The following CAMK1G variants were observed in gnomAD, a reference collection of about 807,000 sequenced individuals.
CAMK1G encodes calcium/calmodulin-dependent protein kinase type 1G.
A neutral mutation model predicts 54.8 loss-of-function variants in CAMK1G; 27 were observed. The observed-to-expected ratio is 0.49, with a 90% CI of 0.36 to 0.68. CAMK1G has a LOEUF of 0.68. CAMK1G is among the 30% of genes least tolerant of loss of function. The probability of loss-of-function intolerance (pLI) is 0.00; values close to 1 mark genes in which losing one functional copy is unlikely to be tolerated. For missense variants in CAMK1G, 512 were observed against 591.0 expected (o/e 0.87, Z 1.39); for synonymous variants, 238 against 224.9 (o/e 1.06, Z -0.52).
chr1:209,586,909 A>C (rs1051602189), intron 1 of CAMK1G, among the ~76,000 whole-genome samples: 1 of 152,178 alleles, frequency 6.6e-6, no homozygotes, highest in East Asian at 1.9e-4. Context: ...TAAGCAACAC[A>C]TAAATTATGG....
intron 1 of CAMK1G, among the ~76,000 whole-genome samples, chr1:209,588,142 C>T (rs1665148728): frequency 6.6e-6 from 1 of 152,194 alleles, no homozygotes; most frequent in South Asian, 2.1e-4. Flanking sequence ...CTAGTGACAG[C>T]ACCAGCAAAA....
At chr1:209,595,220 T>A (rs1665350054) in intron 2 of CAMK1G, 145 bp downstream of exon 2, 1 of 614,308 alleles carries the variant, frequency 1.6e-6, no homozygotes, top group African/African-American at 1.9e-5. Flanking sequence ...TTAGGGAGAG[T>A]TTTGTGGCCT....
In CAMK1G at chr1:209,603,303, A is replaced by G; in HGVS notation, c.296+15A>G. The G allele has an allele frequency of 1.2e-6, 2 of 1,609,904 alleles. No homozygotes were observed. Among genetic ancestry groups the G allele is most frequent in the South Asian group, 1.1e-5 (1 of 90,974 alleles). ...GTCATGCAGCTGTAAGTAAAAGGTG[A>G]CTTGCTTCCTTCACAGAGGCCTGGT... is the stretch of plus-strand genomic sequence containing the variant. On this transcript the variant is annotated intron_variant, in intron 4 of 12. Coordinates refer to ENST00000361322, the MANE Select transcript of CAMK1G (RefSeq NM_020439.3).
At position 209,611,783 on chromosome 1, in the gene CAMK1G, T is replaced by C. The variant is rs770702866; in HGVS notation, c.916-9T>C. On this transcript the variant is annotated splice_polypyrimidine_tract_variant and intron_variant, in intron 10 of 12. Transcript: ENST00000361322. ...CAGAAGGCCAGAGGCTGCTCTTGTG[T>C]CTCCTTAGCAAGCCTTCAACGCAGC... 5 of 1,611,772 alleles carry C rather than the reference T, an allele frequency of 3.1e-6. No homozygotes were observed. The highest frequency in any genetic ancestry group is 3.4e-6 in the Non-Finnish European group (4 of 1,178,786).
intron 4 of CAMK1G, among the ~76,000 whole-genome samples, chr1:209,603,858 G>C (rs1018513844): frequency 3.3e-5 from 5 of 152,208 alleles, no homozygotes; most frequent in Non-Finnish European, 7.3e-5. Context: ...AAGACAGGCT[G>C]TGATTGTATG....
In CAMK1G at chr1:209,611,860, C is replaced by T. The variant is rs761225607; in HGVS notation, c.984C>T (p.Gly328=). Residue 328 remains glycine (G), a synonymous_variant, in exon 11 of 13, where the codon GGC becomes GGT. Transcript: ENST00000361322. ...TACACATGAACCTGCACAGCCCGGG[C>T]GTCCGCCCAGAGGTGGAGAACAGGC... The part of the protein sequence containing the change: ...RKLHMNLHSP[G]VRPEVENRPP... 9.0e-5 allele frequency: 146 copies of T among 1,614,114 alleles called. No individual in the cohort carries two copies. The highest frequency in any genetic ancestry group is 1.2e-4 in the Non-Finnish European group (140 of 1,180,064).
chr1:209,611,440 C>A, intron 9 of CAMK1G, 25 bp from the exon 10 acceptor site: 1 of 1,612,078 alleles, frequency 6.2e-7, no homozygotes, highest in Non-Finnish European at 8.5e-7. Context: ...ACCCAGTAGC[C>A]AGGTGTCCCC....
intron 2 of CAMK1G, 149 bp from the exon 3 acceptor site, chr1:209,599,834 C>T: frequency 5.5e-6 from 5 of 913,024 alleles, no homozygotes; most frequent in East Asian, 3.1e-5. Flanking sequence ...TTGTGCTTTC[C>T]TGATGTTTCT....
chr1:209,611,661 G>T lies in CAMK1G; in HGVS notation c.915+109G>T, dbSNP rs559872268. 5.9e-5 allele frequency: 87 copies of T among 1,464,386 alleles called. No homozygotes were observed. In the South Asian group the frequency reaches 9.8e-4, roughly 16 times the overall value. 90.7% of individuals were successfully genotyped at this position (1,464,386 alleles called of 1,614,324 possible). A position where few individuals can be genotyped will look rare whatever the true frequency, so the allele number is the denominator to read the frequency against. ...TTGGGATGTCCCAGAAGGCATTGGA[G>T]CTCCGTGTACCCTCTCTGAAATGAG... On this transcript the variant is annotated intron_variant, in intron 10 of 12. Coordinates refer to ENST00000361322, the MANE Select transcript of CAMK1G (RefSeq NM_020439.3).
chr1:209,605,545 T>C lies in CAMK1G; in HGVS notation c.306T>C (p.Gly102=). ...GATCCTATGCCCACAGTGTTTCTGG[T>C]GGGGAGCTCTTTGACCGGATCCTGG... ...HYYLVMQLVS[G]GELFDRILER... Residue 102 remains glycine (G), a synonymous_variant, in exon 5 of 13, where the codon GGT becomes GGC. Transcript: ENST00000361322. 6.2e-7 allele frequency: 1 copy of C among 1,613,868 alleles called. No homozygotes were observed. The highest frequency in any genetic ancestry group is 2.2e-5 in the East Asian group (1 of 44,878).
At chr1:209,586,628 T>C (rs1052490986) in intron 1 of CAMK1G, among the ~76,000 whole-genome samples, 2 of 152,166 alleles carry the variant, frequency 1.3e-5, no homozygotes, top group African/African-American at 4.8e-5. Context: ...GCCTATAATG[T>C]GGACCCACTG....
intron 9 of CAMK1G, 138 bp from the exon 10 acceptor site, chr1:209,611,327 C>G (rs1041223699): frequency 4.2e-6 from 3 of 718,570 alleles, no homozygotes; most frequent in African/African-American, 3.6e-5. Flanking sequence ...GACCTGCTTG[C>G]AGCCCTTTCC....
chr1:209,611,763 G>C (rs1361087900), intron 10 of CAMK1G, 29 bp from the exon 11 acceptor site: 6 of 1,605,486 alleles, frequency 3.7e-6, no homozygotes, highest in Non-Finnish European at 5.1e-6. Context: ...GGTTGCAGAA[G>C]GCCAGAGGCT....
At chr1:209,584,391 G>A (rs1437019496) in intron 1 of CAMK1G, among the ~76,000 whole-genome samples, 1 of 152,168 alleles carries the variant, frequency 6.6e-6, no homozygotes, top group Non-Finnish European at 1.5e-5. Flanking sequence ...ATCCTCAGCC[G>A]CGTTAAGATG....
chr1:209,591,656 G>A (rs896325478), intron 1 of CAMK1G, among the ~76,000 whole-genome samples: 28 of 152,282 alleles, frequency 1.8e-4, no homozygotes, highest in African/African-American at 6.5e-4. Context: ...GGCATTTTAT[G>A]TTGTAAGGTA....
At chr1:209,611,733 T>C (rs1665784904) in intron 10 of CAMK1G, 59 bp from the exon 11 acceptor site, 1 of 1,575,474 alleles carries the variant, frequency 6.3e-7, no homozygotes, top group East Asian at 2.2e-5. Flanking sequence ...AGGGAAAGTT[T>C]AAGCTCCAAG....
intron 2 of CAMK1G, among the ~76,000 whole-genome samples, chr1:209,597,215 TATA>T (rs1347951003): frequency 1.3e-5 from 2 of 152,162 alleles, no homozygotes; most frequent in Admixed American, 6.5e-5. Context: ...GGGCAGGAAA[TATA>T]ATAATTATCA....
chr1:209,611,827 G>T lies in CAMK1G; in HGVS notation c.951G>T (p.Met317Ile). Residue 317 changes from methionine to isoleucine, a missense_variant, in exon 11 of 13, where the codon ATG becomes ATT. Met to Ile is a conservative substitution (Grantham distance 10). This residue lies in a region of CAMK1G where 315 missense variants were observed against 330.5 expected (regional missense o/e 0.95). Transcript: ENST00000361322. The part of the protein sequence containing the change: ...AFNAAAVVHH[M>I]RKLHMNLHSP... ...ACGCAGCAGCTGTGGTGCACCACAT[G>T]AGGAAGCTACACATGAACCTGCACA... 1 of 1,614,142 alleles carries T rather than the reference G, an allele frequency of 6.2e-7. No homozygotes were observed. Among genetic ancestry groups the T allele is most frequent in the East Asian group, 2.2e-5 (1 of 44,888 alleles).
chr1:209,611,577 G>A (rs1381379477), intron 10 of CAMK1G, 25 bp downstream of exon 10: 1 of 1,603,730 alleles, frequency 6.2e-7, no homozygotes, highest in Non-Finnish European at 8.5e-7. Context: ...CCAGGGGGTG[G>A]GAAAGCTGTT....
Sources: allele counts gnomAD v4.1 joint callset (sites outside exome capture counted in the v4.1 genomes callset), GRCh38; gene constraint gnomAD v4.1.1; regional missense constraint gnomAD v4.1.1; transcripts MANE v1.5; gene names NCBI Gene and HGNC (gene_info 2026-07-23, HGNC 2026-07-21).